Variants in EPM2A observed in about 807,000 individuals in gnomAD.
EPM2A encodes laforin.
In EPM2A, 21 loss-of-function variants were observed where a neutral mutation model predicts 26.5. The observed-to-expected ratio is 0.79, with a 90% confidence interval of 0.56 to 1.14. The LOEUF (loss-of-function observed/expected upper bound fraction) is 1.14. EPM2A is among the 50% of genes most tolerant of loss of function. The probability of loss-of-function intolerance (pLI) is 0.00; values close to 1 mark genes in which losing one functional copy is unlikely to be tolerated. For missense variants in EPM2A, 458 were observed against 440.8 expected, an observed-to-expected ratio of 1.04 and a Z score of -0.35; for synonymous variants, 217 against 177.6, an observed-to-expected ratio of 1.22 and a Z score of -1.76.
chr6:145,392,113 A>G (rs1778344686), intron 4 of EPM2A, among the ~76,000 whole-genome samples: 1 of 152,198 alleles, frequency 6.6e-6, no homozygotes, highest in African/African-American at 2.4e-5. Context: ...GACTAAAGCT[A>G]ACCAGGAGGA....
chr6:145,459,699 CATACT>C (rs59239067), intron 4 of EPM2A, among the ~76,000 whole-genome samples: 67,312 of 151,188 alleles, frequency 0.45, 15,558 homozygotes, highest in Non-Finnish European at 0.52. Flanking sequence ...CTTCTTTTAG[CATACT>C]ATACTATACT....
intron 4 of EPM2A, among the ~76,000 whole-genome samples, chr6:145,465,822 G>T (rs558609734): frequency 0.014 from 2,106 of 152,158 alleles, 21 homozygotes; most frequent in Non-Finnish European, 0.02. Flanking sequence ...AGAGGCCTCA[G>T]AAATAACGCC....
At position 145,626,876 on chromosome 6, in the gene EPM2A, G is replaced by A; in HGVS notation, c.*540C>T. ...CCTTGGAACAGACTTTAACAACTGT[G>A]AGGCAGGATAAAAAACAAGTCCTGA... On this transcript the variant is annotated 3_prime_UTR_variant, in exon 4 of 4. Transcript: ENST00000367519. The A allele has an allele frequency of 2.0e-6, 2 of 994,680 alleles. No homozygotes were observed. Among genetic ancestry groups the A allele is most frequent in the Non-Finnish European group, 2.4e-6 (2 of 834,876 alleles). 61.6% of individuals were successfully genotyped at this position (994,680 alleles called of 1,614,324 possible).
chr6:145,437,149 A>G (rs574012016), intron 4 of EPM2A, among the ~76,000 whole-genome samples: 83 of 152,096 alleles, frequency 5.5e-4, no homozygotes, highest in Non-Finnish European at 1.1e-3. Flanking sequence ...TATTTCCCCC[A>G]TGCTATTCTC....
Position 145,702,659 on chromosome 6 carries a change from C to T in EPM2A, c.302-16363G>A, listed in dbSNP as rs183930548. Reference sequence around the variant, plus strand: ...CTCCTAGTCTTTGCAAAACTGTACACTAATGCAAAAGAGGTATACTACTAA... The same window carrying T: ...CTCCTAGTCTTTGCAAAACTGTACATTAATGCAAAAGAGGTATACTACTAA... On this transcript the variant is annotated intron_variant, in intron 1 of 3. Transcript: ENST00000367519. 9.2e-5 allele frequency among the ~76,000 whole-genome samples: 14 copies of T among 152,272 alleles called. No homozygotes were observed. The East Asian group carries it at 2.7e-3, about 29-fold the overall frequency.
intron 4 of EPM2A, among the ~76,000 whole-genome samples, chr6:145,463,886 T>A (rs570986171): frequency 6.6e-6 from 1 of 152,160 alleles, no homozygotes; most frequent in Non-Finnish European, 1.5e-5. Context: ...CACCCAAATC[T>A]CATCTCGAAG....
chr6:145,598,273 G>A (rs1781374655), intron 2 of EPM2A, among the ~76,000 whole-genome samples: 1 of 151,940 alleles, frequency 6.6e-6, no homozygotes. Context: ...ATTCTGACTG[G>A]TGTGAGATGG....
chr6:145,442,242 T>C (rs1779073397), intron 4 of EPM2A, among the ~76,000 whole-genome samples: 1 of 152,236 alleles, frequency 6.6e-6, no homozygotes, highest in African/African-American at 2.4e-5. Context: ...CCTCTGTCTG[T>C]TACCCAGTTG....
At chr6:145,680,547 C>T (rs943504857) in intron 2 of EPM2A, among the ~76,000 whole-genome samples, 1 of 151,926 alleles carries the variant, frequency 6.6e-6, no homozygotes, top group Non-Finnish European at 1.5e-5. Flanking sequence ...CCCACTCCCC[C>T]CACCCCACAA....
In EPM2A at chr6:145,432,768, A is replaced by G. The variant is rs370654560; in HGVS notation, c.556-48671T>C. 1.2e-4 allele frequency among the ~76,000 whole-genome samples: 19 copies of G among 152,294 alleles called. No homozygotes were observed. In the East Asian group the frequency reaches 2.9e-3, roughly 23 times the overall value. ...AAGCCAGGCATTTTTCCTCCAACAT[A>G]AGGTGATTTCATCTACATTGAAAAT... On this transcript the variant is annotated intron_variant, in intron 4 of 4. Transcript: ENST00000638717.
chr6:145,615,403 C>T (rs1463736107), intron 2 of EPM2A, among the ~76,000 whole-genome samples: 1 of 152,112 alleles, frequency 6.6e-6, no homozygotes, highest in African/African-American at 2.4e-5. Flanking sequence ...TCCATTAAAA[C>T]CCTTTTTCCT....
intron 4 of EPM2A, among the ~76,000 whole-genome samples, chr6:145,452,489 CAAAAAAAAAAAAAAAAAAAAA>C (rs563777945): frequency 6.6e-5 from 5 of 75,862 alleles, no homozygotes; most frequent in Admixed American, 1.9e-4. Flanking sequence ...ACTAAAAATA[CAAAAAAAAAAAAAAAAAAAAA>C]AAAAAAAAAA....
chr6:145,525,482 G>A lies in EPM2A; in HGVS notation c.341-22907C>T, dbSNP rs149937532. On this transcript the variant is annotated intron_variant, in intron 2 of 3. Coordinates refer to the EPM2A transcript ENST00000450221. ...CTTGTGCCATCTTTGATTTCTTTCA[G>A]CAGTGTTTTGTAGTTATTCTTGTAA... 2.0e-3 allele frequency among the ~76,000 whole-genome samples: 302 copies of A among 151,960 alleles called. 1 individual carries two copies. Among genetic ancestry groups the A allele is most frequent in the Admixed American group, 3.5e-3 (53 of 15,244 alleles).
At chr6:145,706,657 T>C (rs1233921810) in intron 1 of EPM2A, among the ~76,000 whole-genome samples, 1 of 152,180 alleles carries the variant, frequency 6.6e-6, no homozygotes, top group East Asian at 1.9e-4. Context: ...GAGATTAAAA[T>C]AATATGCCGC....
chr6:145,551,217 A>ACAGTGC (rs1780651067), intron 2 of EPM2A, among the ~76,000 whole-genome samples: 1 of 152,094 alleles, frequency 6.6e-6, no homozygotes, highest in South Asian at 2.1e-4. Flanking sequence ...AATCATTTTA[A>ACAGTGC]ATGCACTGTT....
At chr6:145,558,725 T>A (rs1345702655) in intron 2 of EPM2A, among the ~76,000 whole-genome samples, 1 of 150,104 alleles carries the variant, frequency 6.7e-6, no homozygotes, top group East Asian at 1.9e-4. Context: ...CAATTTTTGA[T>A]CAGAATTTAG....
At chr6:145,706,918 T>G (rs1041681849) in intron 1 of EPM2A, among the ~76,000 whole-genome samples, 1 of 152,134 alleles carries the variant, frequency 6.6e-6, no homozygotes, top group Non-Finnish European at 1.5e-5. Context: ...GGAAAATGAT[T>G]AAGTCATGAG....
chr6:145,473,068 G>T (rs115592490), intron 4 of EPM2A, among the ~76,000 whole-genome samples: 1 of 151,868 alleles, frequency 6.6e-6, no homozygotes, highest in Non-Finnish European at 1.5e-5. Context: ...AAGCACAAGG[G>T]AACAATCCTG....
intron 4 of EPM2A, among the ~76,000 whole-genome samples, chr6:145,435,103 G>A (rs147213168): frequency 2.7e-4 from 41 of 152,216 alleles, no homozygotes; most frequent in Non-Finnish European, 4.9e-4. Context: ...TGTACAGCCT[G>A]CAGAAGCATG....
Sources: allele counts gnomAD v4.1 joint callset (sites outside exome capture counted in the v4.1 genomes callset), GRCh38; gene constraint gnomAD v4.1.1; transcripts MANE v1.5; gene names NCBI Gene and HGNC (gene_info 2026-07-23, HGNC 2026-07-21).